Variants in CEP83 observed in about 807,000 individuals in gnomAD.
The protein encoded by CEP83 is centrosomal protein of 83 kDa.
A neutral mutation model predicts 101.9 loss-of-function variants in CEP83; 70 were observed. That is an observed-to-expected ratio of 0.69 (90% CI 0.57 to 0.84). CEP83 has a LOEUF of 0.84. Among genes scored for constraint, CEP83 ranks in the 40% least tolerant of loss-of-function variants. The pLI is 0.00. For missense variants in CEP83, 715 were observed against 787.2 expected (o/e 0.91, Z 1.10); for synonymous variants, 264 against 267.9 (o/e 0.99, Z 0.14).
chr12:94,431,125 T>C (rs1215792917), intron 2 of CEP83, among the ~76,000 whole-genome samples: 1 of 152,160 alleles, frequency 6.6e-6, no homozygotes, highest in Non-Finnish European at 1.5e-5. Flanking sequence ...GAAACATTAT[T>C]ACACCCAGAA....
At chr12:94,279,277 T>G in the CEP83 span, among the ~76,000 whole-genome samples, 1 of 152,358 alleles carries the variant, frequency 6.6e-6, no homozygotes, top group African/African-American at 2.4e-5. Context: ...GAGTTTTAAC[T>G]TTCTGTTTTC....
the CEP83 span, among the ~76,000 whole-genome samples, chr12:94,291,593 G>A: frequency 6.6e-6 from 1 of 152,088 alleles, no homozygotes; most frequent in East Asian, 1.9e-4. Flanking sequence ...GTGGTTTTAG[G>A]TATACTTATA....
intron 4 of CEP83, among the ~76,000 whole-genome samples, chr12:94,409,585 G>C (rs1399831433): frequency 6.6e-6 from 1 of 152,120 alleles, no homozygotes; most frequent in Admixed American, 6.6e-5. Context: ...TTCTAAAAAG[G>C]ATTCTGCTTT....
chr12:94,343,431 A>G (rs2059781584), intron 11 of CEP83, among the ~76,000 whole-genome samples: 1 of 151,148 alleles, frequency 6.6e-6, no homozygotes, highest in Admixed American at 6.6e-5. Flanking sequence ...AAGAGTACAA[A>G]CAATATTGTG....
chr12:94,415,555 A>G (rs780874883), intron 2 of CEP83, among the ~76,000 whole-genome samples: 68 of 152,168 alleles, frequency 4.5e-4, no homozygotes, highest in Non-Finnish European at 9.4e-4. Flanking sequence ...CAATGAAAAA[A>G]TAATAAAAGT....
chr12:94,297,956 A>C, the CEP83 span, among the ~76,000 whole-genome samples: 1 of 152,228 alleles, frequency 6.6e-6, no homozygotes, highest in South Asian at 2.1e-4. Flanking sequence ...TGGAATTAAC[A>C]GAAGTCTGTG....
At chr12:94,394,200 T>A (rs1427391702) in intron 6 of CEP83, among the ~76,000 whole-genome samples, 1 of 152,208 alleles carries the variant, frequency 6.6e-6, no homozygotes, top group Non-Finnish European at 1.5e-5. Flanking sequence ...GCTGGAGGCA[T>A]CACGCTACCT....
intron 2 of CEP83, among the ~76,000 whole-genome samples, chr12:94,432,044 T>G (rs528004774): frequency 6.6e-6 from 1 of 151,958 alleles, no homozygotes; most frequent in East Asian, 1.9e-4. Context: ...TGTCCATTAA[T>G]GGATTAACTT....
intron 11 of CEP83, among the ~76,000 whole-genome samples, chr12:94,367,307 T>A (rs1057108118): frequency 6.6e-6 from 1 of 152,154 alleles, no homozygotes; most frequent in Non-Finnish European, 1.5e-5. Context: ...AACCAAGTGA[T>A]CAAGGTTAAA....
chr12:94,315,838 A>T (rs752009024), intron 14 of CEP83, among the ~76,000 whole-genome samples: 5 of 152,060 alleles, frequency 3.3e-5, no homozygotes, highest in Non-Finnish European at 7.4e-5. Flanking sequence ...GTGTAAACCT[A>T]TTTCTGGACT....
the CEP83 span, among the ~76,000 whole-genome samples, chr12:94,283,699 G>A: frequency 6.6e-6 from 1 of 152,182 alleles, no homozygotes; most frequent in South Asian, 2.1e-4. Context: ...AGTCAAAGCT[G>A]TCTTCTTGCA....
At chr12:94,444,804 C>T (rs1594109305) in intron 1 of CEP83, among the ~76,000 whole-genome samples, 1 of 152,196 alleles carries the variant, frequency 6.6e-6, no homozygotes, top group African/African-American at 2.4e-5. Flanking sequence ...TCAAGATCAG[C>T]CTGGGCAACA....
the CEP83 span, chr12:94,280,302 G>A: frequency 1.1e-3 from 169 of 159,624 alleles, no homozygotes; most frequent in Non-Finnish European, 1.6e-3. Flanking sequence ...GTCCTCCCAG[G>A]AGACTGTCGT....
At position 94,412,539 on chromosome 12, in the gene CEP83, G is replaced by T. The variant is rs763955810; in HGVS notation, c.-49C>A. On this transcript the variant is annotated 5_prime_UTR_variant, in exon 3 of 17. Transcript: ENST00000397809. ...TACTGTTTTAGTTTTCTTTCCAAGG[G>T]TATTTCCCACTCCTTTCTTGCTAAG... The T allele has an allele frequency of 1.9e-6, 3 of 1,559,028 alleles. No individual in the cohort carries two copies. The highest frequency in any genetic ancestry group is 1.8e-5 in the Admixed American group (1 of 56,318).
At chr12:94,371,351 T>C (rs1004229983) in intron 8 of CEP83, among the ~76,000 whole-genome samples, 3 of 152,264 alleles carry the variant, frequency 2.0e-5, no homozygotes, top group East Asian at 3.9e-4. Flanking sequence ...CAAAATAGTG[T>C]AATGTGTATA....
Position 94,310,016 on chromosome 12 carries a change from C to A in CEP83, c.1903G>T (p.Val635Phe). ...GATGCTGTTGGAGGCATGTTAGGAA[C>A]CAAAATTAGACTTCGAAATTCATTA... ...RHNEFRSLIL[V>F]PNMPPTASIN... Residue 635 changes from valine (V) to phenylalanine (F), a missense_variant, in exon 16 of 17, where the codon GTT (valine) becomes TTT (phenylalanine). Transcript: ENST00000397809. The A allele has an allele frequency of 6.2e-7, 1 of 1,611,876 alleles. No individual in the cohort carries two copies. Among genetic ancestry groups the A allele is most frequent in the East Asian group, 2.2e-5 (1 of 44,816 alleles).
At chr12:94,279,272 T>A in the CEP83 span, among the ~76,000 whole-genome samples, 1 of 152,242 alleles carries the variant, frequency 6.6e-6, no homozygotes, top group Non-Finnish European at 1.5e-5. Context: ...AATGAGAGTT[T>A]TAACTTTCTG....
At chr12:94,415,228 T>G (rs1280343382) in intron 2 of CEP83, among the ~76,000 whole-genome samples, 1 of 152,004 alleles carries the variant, frequency 6.6e-6, no homozygotes, top group Non-Finnish European at 1.5e-5. Context: ...ATAAAAAAAC[T>G]TATGTGGTTG....
chr12:94,450,797 A>G (rs2067194741), intron 1 of CEP83, among the ~76,000 whole-genome samples: 1 of 152,234 alleles, frequency 6.6e-6, no homozygotes, highest in South Asian at 2.1e-4. Context: ...ATATTGATGG[A>G]TAGATTCAAT....
Sources: gnomAD v4.1 joint callset for allele counts (sites outside exome capture counted in the v4.1 genomes callset) on GRCh38, gnomAD v4.1.1 for gene constraint, MANE v1.5 for transcripts, NCBI Gene and HGNC (gene_info 2026-07-23, HGNC 2026-07-21) for gene names.